UBN1: variants seen among roughly 807,000 people sequenced by gnomAD.
The protein encoded by UBN1 is ubinuclein-1.
Under a neutral mutation model 108.5 loss-of-function variants are expected in UBN1, and 17 were observed. The observed-to-expected ratio is 0.16, with a 90% CI of 0.11 to 0.24. UBN1 has a LOEUF of 0.24. Among genes scored for constraint, UBN1 ranks in the 10% least tolerant of loss-of-function variants. UBN1 has a pLI of 1.00. For synonymous variants in UBN1, 726 were observed against 564.2 expected (o/e 1.29, Z -4.07); for missense variants, 1,595 against 1,394.4 (o/e 1.14, Z -2.29).
chr16:4,874,629 C>T lies in UBN1; in HGVS notation c.2219C>T (p.Ala740Val). The T allele has an allele frequency of 6.2e-7, 1 of 1,614,230 alleles. No homozygotes were observed. The highest frequency in any genetic ancestry group is 8.5e-7 in the Non-Finnish European group (1 of 1,180,054). Reference sequence around the variant, plus strand: ...CTGCAGTCACCCCTCAATTTTCTGGCAGAACAGGCTCTGGCACTGGGGCAG... The same window carrying T: ...CTGCAGTCACCCCTCAATTTTCTGGTAGAACAGGCTCTGGCACTGGGGCAG... ...SSLQSPLNFL[A>V]EQALALGQSS... is the part of the protein sequence containing the mutation. Residue 740 changes from alanine (A) to valine (V), a missense_variant, in exon 15 of 18, where the codon GCA becomes GTA. Ala to Val is a moderately conservative substitution (Grantham distance 64, BLOSUM62 0). This residue lies in a region of UBN1 where 1,398 missense variants were observed against 1,194.7 expected (regional missense o/e 1.17). Coordinates refer to ENST00000262376, the MANE Select transcript of UBN1 (RefSeq NM_001079514.3).
chr16:4,855,967 A>G (rs181430861), intron 2 of UBN1, among the ~76,000 whole-genome samples: 57 of 152,286 alleles, frequency 3.7e-4, no homozygotes, highest in African/African-American at 1.3e-3. Context: ...CTTGATTGAG[A>G]TCTGATTGCC....
intron 1 of UBN1, among the ~76,000 whole-genome samples, chr16:4,851,101 G>C (rs2086535401): frequency 1.3e-5 from 2 of 152,192 alleles, no homozygotes; most frequent in African/African-American, 2.4e-5. Context: ...AGGAAGGATT[G>C]TTTAGTGATT....
intron 8 of UBN1, among the ~76,000 whole-genome samples, chr16:4,869,906 A>G (rs118185800): frequency 0.017 from 2,518 of 152,264 alleles, 30 homozygotes; most frequent in Non-Finnish European, 0.026. Flanking sequence ...TCCACTTTGA[A>G]AGCTTTCATG....
intron 1 of UBN1, 51 bp from the exon 2 acceptor site, chr16:4,852,828 A>T: frequency 6.8e-7 from 1 of 1,472,068 alleles, no homozygotes; most frequent in South Asian, 1.4e-5. Flanking sequence ...TAGGCAGGTA[A>T]ACTATTTTAT....
intron 5 of UBN1, 133 bp from the exon 6 acceptor site, chr16:4,859,732 G>A: frequency 6.9e-7 from 1 of 1,439,296 alleles, no homozygotes; most frequent in Admixed American, 2.6e-5. Context: ...GGACTGATCT[G>A]AGAGCTTTTG....
rs576640944 is a variant in UBN1, at chr16:4,873,048, T to C, written c.1775T>C (p.Met592Thr). The change falls in exon 14 of 18, where the codon ATG (methionine) becomes ACG (threonine). Residue 592 changes from methionine to threonine, a missense_variant. Met to Thr is a moderately conservative substitution (Grantham distance 81, BLOSUM62 -1). This residue lies in a region of UBN1 where 1,398 missense variants were observed against 1,194.7 expected (regional missense o/e 1.17). Coordinates refer to ENST00000262376, the MANE Select transcript of UBN1 (RefSeq NM_001079514.3). ...TTGAACAGGGCCAAGAAGAAAGTTA[T>C]GGCCCCTTCTAAAATCAAGGTGAAG... ...LTSILAKKKV[M>T]APSKIKVKES... The C allele has an allele frequency of 4.1e-5, 66 of 1,614,234 alleles. No homozygotes were observed. Among genetic ancestry groups the C allele is most frequent in the East Asian group, 2.7e-4 (12 of 44,880 alleles).
intron 1 of UBN1, among the ~76,000 whole-genome samples, chr16:4,849,007 A>G (rs1447480739): frequency 1.3e-5 from 2 of 152,220 alleles, no homozygotes; most frequent in African/African-American, 2.4e-5. Context: ...AGGCTGAGGC[A>G]GGAGAATCGC....
At chr16:4,855,903 C>T (rs542142690) in intron 2 of UBN1, among the ~76,000 whole-genome samples, 18 of 152,076 alleles carry the variant, frequency 1.2e-4, no homozygotes, top group South Asian at 2.1e-4. Flanking sequence ...TGGGTGATGG[C>T]GACTCCATCT....
rs774253573 is a variant in UBN1, at chr16:4,874,208, T to C, written c.1801-3T>C. The stretch of plus-strand genomic sequence containing the variant: ...AAACATCAACATTTCTGTTTTCCTT[T>C]AGGAATCGTCTACGAAGCCTGATAA... On this transcript the variant is annotated splice_region_variant and splice_polypyrimidine_tract_variant and intron_variant, in intron 14 of 17. Transcript: ENST00000262376. The C allele has an allele frequency of 1.2e-5, 19 of 1,544,162 alleles. No individual in the cohort carries two copies. Among genetic ancestry groups the C allele is most frequent in the Non-Finnish European group, 1.5e-5 (17 of 1,146,542 alleles).
rs371705582 is a variant in UBN1, at chr16:4,874,837, C to G, written c.2427C>G (p.Ala809=). Residue 809 remains alanine, a synonymous_variant, in exon 15 of 18, where the codon GCC becomes GCG. Transcript: ENST00000262376. ...VPGPQVKVFH[A]GTQQQKNFTP... is the part of the protein sequence containing the mutation. The stretch of plus-strand genomic sequence containing the variant: ...GCCCCCAGGTCAAAGTCTTTCATGC[C>G]GGCACTCAGCAGCAGAAAAACTTCA... 10 of 1,613,898 alleles carry G rather than the reference C, an allele frequency of 6.2e-6. No individual in the cohort carries two copies. Among genetic ancestry groups the G allele is most frequent in the Non-Finnish European group, 7.6e-6 (9 of 1,180,048 alleles).
rs2086367009 is a variant in UBN1, at chr16:4,848,930, G to C, written c.-40+720G>C. The stretch of plus-strand genomic sequence containing the variant: ...AGCCTGGCCAACACGGTCAAACCCA[G>C]TACTCTACTAAAAATACAAAATTAG... On this transcript the variant is annotated intron_variant, in intron 1 of 17. Transcript: ENST00000262376. Among the ~76,000 whole-genome samples the C allele has an allele frequency of 2.6e-5, 4 of 152,170 alleles. No individual in the cohort carries two copies. In the South Asian group the frequency reaches 8.3e-4, roughly 32 times the overall value.
chr16:4,861,331 T>G (rs145740017), intron 7 of UBN1, among the ~76,000 whole-genome samples: 5 of 152,374 alleles, frequency 3.3e-5, no homozygotes, highest in East Asian at 1.9e-4. Context: ...AAATTTGCTT[T>G]CTTCTGGGGA....
intron 17 of UBN1, among the ~76,000 whole-genome samples, chr16:4,879,011 A>G (rs908100430): frequency 5.3e-5 from 8 of 151,450 alleles, no homozygotes; most frequent in Non-Finnish European, 1.0e-4. Flanking sequence ...CCCTGTCTCA[A>G]AAGATTGCTT....
chr16:4,863,278 T>C (rs1373440541), intron 7 of UBN1, among the ~76,000 whole-genome samples: 1 of 152,198 alleles, frequency 6.6e-6, no homozygotes, highest in Non-Finnish European at 1.5e-5. Flanking sequence ...TTAATGCTAC[T>C]CCGAAGGGTC....
intron 7 of UBN1, among the ~76,000 whole-genome samples, chr16:4,868,007 T>A (rs923195683): frequency 3.3e-5 from 5 of 152,130 alleles, no homozygotes; most frequent in African/African-American, 1.2e-4. Flanking sequence ...TGGGCCACTT[T>A]TGAGAGTGTG....
chr16:4,879,059 G>C (rs2088000114), intron 17 of UBN1, among the ~76,000 whole-genome samples: 2 of 152,048 alleles, frequency 1.3e-5, no homozygotes, highest in South Asian at 4.2e-4. Context: ...GTATGAAAAG[G>C]CTATCAGAAT....
chr16:4,862,928 G>T (rs1305303981), intron 7 of UBN1, among the ~76,000 whole-genome samples: 1 of 152,198 alleles, frequency 6.6e-6, no homozygotes, highest in Non-Finnish European at 1.5e-5. Flanking sequence ...GGTGGGCCTG[G>T]GTCCCAGTGG....
At chr16:4,857,212 T>C (rs1260864678) in intron 2 of UBN1, among the ~76,000 whole-genome samples, 1 of 151,662 alleles carries the variant, frequency 6.6e-6, no homozygotes, top group African/African-American at 2.4e-5. Context: ...TAGCTAGGCA[T>C]AGTGTTGTAT....
chr16:4,853,409 G>T (rs1289928603), intron 2 of UBN1, among the ~76,000 whole-genome samples: 1 of 152,188 alleles, frequency 6.6e-6, no homozygotes. Context: ...CTCTGCCAAG[G>T]TTATAAACGT....
Sources: allele counts gnomAD v4.1 joint callset (sites outside exome capture counted in the v4.1 genomes callset), GRCh38; gene constraint gnomAD v4.1.1; regional missense constraint gnomAD v4.1.1; transcripts MANE v1.5; gene names NCBI Gene and HGNC (gene_info 2026-07-23, HGNC 2026-07-21).